The following IFT88 variants were observed in gnomAD, a reference collection of about 807,000 sequenced individuals.
The protein encoded by IFT88 is intraflagellar transport protein 88 homolog.
IFT88 carries 74 observed loss-of-function variants against 119.5 expected under a neutral mutation model. That is an observed-to-expected ratio of 0.62 (90% CI 0.51 to 0.75). The LOEUF (loss-of-function observed/expected upper bound fraction) is 0.75, where lower values mean the gene tolerates loss of function less well. Ranked by LOEUF, IFT88 falls within the 30% of genes least tolerant of loss-of-function variation. The pLI is 0.00. For synonymous variants in IFT88, 279 were observed against 316.7 expected (o/e 0.88, Z 1.26); for missense variants, 961 against 977.7 (o/e 0.98, Z 0.23).
At chr13:20,570,357 A>G (rs1027260112) in intron 1 of IFT88, among the ~76,000 whole-genome samples, 1 of 152,196 alleles carries the variant, frequency 6.6e-6, no homozygotes, top group African/African-American at 2.4e-5. Flanking sequence ...ATGATCCAGC[A>G]ATTCCTTTAC....
chr13:20,624,479 C>T (rs1031863791), intron 14 of IFT88, among the ~76,000 whole-genome samples: 10 of 152,134 alleles, frequency 6.6e-5, no homozygotes, highest in African/African-American at 2.4e-4. Flanking sequence ...GTGAGGGCCA[C>T]AAACAGAAAG....
At chr13:20,633,799 G>A (rs753069097) in intron 16 of IFT88, among the ~76,000 whole-genome samples, 2 of 152,148 alleles carry the variant, frequency 1.3e-5, no homozygotes, top group Non-Finnish European at 2.9e-5. Context: ...AGTTTTATAT[G>A]ATATGTAGTT....
chr13:20,671,112 C>A lies in IFT88; in HGVS notation c.2242+73C>A, dbSNP rs1297811389. ...TATGTGGGCTTCTGGAAACATCTTGCAATAATCTAAAGTGTTCTTATGTGT... is the reference window on the plus strand; with the variant it reads ...TATGTGGGCTTCTGGAAACATCTTGAAATAATCTAAAGTGTTCTTATGTGT... On this transcript the variant is annotated intron_variant, in intron 24 of 25. Coordinates refer to ENST00000351808, the MANE Select transcript of IFT88 (RefSeq NM_006531.5). 3.3e-5 allele frequency: 40 copies of A among 1,202,986 alleles called. 1 individual carries two copies. In the South Asian group the frequency reaches 4.8e-4, roughly 14 times the overall value. 74.5% of individuals were successfully genotyped at this position (1,202,986 alleles called of 1,614,324 possible).
At chr13:20,614,401 T>A (rs1399526807) in intron 13 of IFT88, 1 of 152,186 alleles carries the variant, frequency 6.6e-6, no homozygotes, top group Non-Finnish European at 1.5e-5. Context: ...AAGGAATGAA[T>A]ATTGATATAC....
rs183436283 is a variant in IFT88 at position 20,581,019 on chromosome 13, C to T, written c.91-1938C>T. ...GGATTACAGGCATGAGCCACCGCCC[C>T]GGCCTGAAGATTATTATTTTTAAAG... On this transcript the variant is annotated intron_variant, in intron 2 of 25. Transcript: ENST00000351808. Among the ~76,000 whole-genome samples, 412 of 152,232 alleles carry T rather than the reference C, an allele frequency of 2.7e-3. 1 individual carries two copies. The highest frequency in any genetic ancestry group is 4.5e-3 in the Non-Finnish European group (307 of 68,020).
intron 19 of IFT88, among the ~76,000 whole-genome samples, chr13:20,643,823 G>A (rs934959356): frequency 1.3e-5 from 2 of 152,090 alleles, no homozygotes; most frequent in African/African-American, 2.4e-5. Context: ...GTGCAGTCTC[G>A]GCTCACTGCA....
At chr13:20,613,413 TATA>T (rs78345692) in intron 13 of IFT88, among the ~76,000 whole-genome samples, 34,348 of 151,884 alleles carry the variant, frequency 0.23, 5,276 homozygotes, top group East Asian at 0.7. Context: ...ACTAGTATGC[TATA>T]ATAAAAAAGA....
At chr13:20,637,673 A>G (rs551759792) in intron 16 of IFT88, among the ~76,000 whole-genome samples, 2 of 152,304 alleles carry the variant, frequency 1.3e-5, no homozygotes, top group East Asian at 1.9e-4. Flanking sequence ...TCTGATGACA[A>G]GAAAAAGGCT....
intron 20 of IFT88, among the ~76,000 whole-genome samples, chr13:20,648,494 A>C (rs1464095299): frequency 6.6e-6 from 1 of 152,206 alleles, no homozygotes; most frequent in Non-Finnish European, 1.5e-5. Flanking sequence ...TCATTAGGAA[A>C]ATAACTAAGA....
At chr13:20,618,596 A>T (rs535047843) in intron 14 of IFT88, among the ~76,000 whole-genome samples, 1 of 152,310 alleles carries the variant, frequency 6.6e-6, no homozygotes, top group Non-Finnish European at 1.5e-5. Flanking sequence ...CTATGCAAAT[A>T]GTTCTTGAAT....
rs1233156421 is a variant in IFT88 at position 20,641,354 on chromosome 13, A to G, written c.1638A>G (p.Ala546=). 1.9e-6 allele frequency: 3 copies of G among 1,612,806 alleles called. No homozygotes were observed. The highest frequency in any genetic ancestry group is 2.5e-6 in the Non-Finnish European group (3 of 1,179,154). Residue 546 remains alanine, a synonymous_variant, in exon 18 of 26, where the codon GCA becomes GCG. Transcript: ENST00000351808. Reference sequence around the variant, plus strand: ...TGGACTGTTTCCTGAAACTTCACGCAATCCTACGAAACAGTGCCGAAGTTC... The same window carrying G: ...TGGACTGTTTCCTGAAACTTCACGCGATCCTACGAAACAGTGCCGAAGTTC... ...EALDCFLKLH[A]ILRNSAEVLY... is the part of the protein sequence containing the mutation.
At chr13:20,624,891 T>G (rs1282989539) in intron 14 of IFT88, among the ~76,000 whole-genome samples, 3 of 152,230 alleles carry the variant, frequency 2.0e-5, no homozygotes, top group Non-Finnish European at 4.4e-5. Context: ...ACTTGTTATT[T>G]TTTGTAGTGA....
At chr13:20,668,498 C>T (rs1186740422) in intron 23 of IFT88, among the ~76,000 whole-genome samples, 2 of 152,120 alleles carry the variant, frequency 1.3e-5, no homozygotes, top group East Asian at 1.9e-4. Flanking sequence ...ACAAGAAATC[C>T]TTGCTACAGC....
intron 23 of IFT88, among the ~76,000 whole-genome samples, chr13:20,670,524 T>C (rs1009086728): frequency 9.1e-5 from 2 of 21,998 alleles, no homozygotes; most frequent in Non-Finnish European, 1.6e-4. Flanking sequence ...TCAGCTTACC[T>C]TTTTTTTTTT....
chr13:20,576,029 T>G (rs2037318217), intron 2 of IFT88, among the ~76,000 whole-genome samples: 2 of 152,226 alleles, frequency 1.3e-5, no homozygotes, highest in African/African-American at 4.8e-5. Flanking sequence ...TCACCACCAT[T>G]TGTTATTACC....
chr13:20,569,686 A>G (rs1011278001), intron 1 of IFT88, among the ~76,000 whole-genome samples: 2 of 151,992 alleles, frequency 1.3e-5, no homozygotes, highest in Non-Finnish European at 2.9e-5. Context: ...AATGTTTAGT[A>G]TCAGGAATAT....
intron 24 of IFT88, among the ~76,000 whole-genome samples, chr13:20,684,454 T>C (rs1432110430): frequency 6.6e-6 from 1 of 152,212 alleles, no homozygotes; most frequent in African/African-American, 2.4e-5. Flanking sequence ...ACTCTCCTTC[T>C]TCCTCTGATT....
At chr13:20,653,781 A>G (rs1444408019) in intron 20 of IFT88, 95 bp from the exon 21 acceptor site, 8 of 600,020 alleles carry the variant, frequency 1.3e-5, no homozygotes, top group Non-Finnish European at 1.9e-5. Flanking sequence ...CAAAAGGTCA[A>G]AAAGTAATTG....
At chr13:20,661,688 T>C (rs556368571) in intron 22 of IFT88, among the ~76,000 whole-genome samples, 2 of 151,714 alleles carry the variant, frequency 1.3e-5, no homozygotes, top group Non-Finnish European at 2.9e-5. Flanking sequence ...TGAGCTGATA[T>C]TGCGCCAGTG....
Sources: gnomAD v4.1 joint callset for allele counts (sites outside exome capture counted in the v4.1 genomes callset) on GRCh38, gnomAD v4.1.1 for gene constraint, MANE v1.5 for transcripts, NCBI Gene and HGNC (gene_info 2026-07-23, HGNC 2026-07-21) for gene names.